DCDC2C: variants seen among roughly 807,000 people sequenced by gnomAD.
DCDC2C encodes the protein doublecortin domain containing 2C.
DCDC2C carries 44 observed loss-of-function variants against 45.0 expected under a neutral mutation model. The observed-to-expected ratio is 0.98, with a 90% CI of 0.77 to 1.26. The LOEUF (loss-of-function observed/expected upper bound fraction) is 1.26, where lower values mean the gene tolerates loss of function less well. DCDC2C is among the 50% of genes most tolerant of loss of function. The pLI is 0.00. For synonymous variants in DCDC2C, 187 were observed against 178.8 expected (o/e 1.05, Z -0.37); for missense variants, 447 against 468.9 (o/e 0.95, Z 0.43).
intron 10 of DCDC2C, among the ~76,000 whole-genome samples, chr2:3,838,452 CAGAGAGAGAG>C (rs61141962): frequency 8.9e-5 from 10 of 112,488 alleles, no homozygotes; most frequent in South Asian, 3.3e-4. Context: ...AGGATCATGA[CAGAGAGAGAG>C]AGAGAGAGAG....
intron 10 of DCDC2C, among the ~76,000 whole-genome samples, chr2:3,790,874 C>T (rs1056763592): frequency 2.0e-5 from 3 of 152,030 alleles, no homozygotes; most frequent in African/African-American, 7.3e-5. Context: ...TTTGGGAGGC[C>T]AAGGAGGACA....
intron 8 of DCDC2C, among the ~76,000 whole-genome samples, chr2:3,773,311 A>G: frequency 6.6e-6 from 1 of 152,136 alleles, no homozygotes; most frequent in South Asian, 2.1e-4. Flanking sequence ...AGAAATTATA[A>G]TTTATTTTCA....
At chr2:3,713,064 G>A (rs554455871) in intron 2 of DCDC2C, among the ~76,000 whole-genome samples, 12 of 152,300 alleles carry the variant, frequency 7.9e-5, no homozygotes, top group Admixed American at 1.3e-4. Context: ...TGGGTGGCTC[G>A]TTTGCAGTAG....
chr2:3,765,207 A>G (rs1669980248), intron 6 of DCDC2C, among the ~76,000 whole-genome samples: 1 of 152,208 alleles, frequency 6.6e-6, no homozygotes, highest in Admixed American at 6.5e-5. Context: ...TTCTTTCCCT[A>G]CTGTCTTTCC....
intron 10 of DCDC2C, among the ~76,000 whole-genome samples, chr2:3,821,442 G>A (rs1671685101): frequency 6.6e-6 from 1 of 152,184 alleles, no homozygotes; most frequent in Non-Finnish European, 1.5e-5. Flanking sequence ...GAGTGGTGAT[G>A]TCAGACATGT....
intron 9 of DCDC2C, among the ~76,000 whole-genome samples, chr2:3,779,708 G>C (rs1670457759): frequency 6.6e-6 from 1 of 152,162 alleles, no homozygotes; most frequent in Non-Finnish European, 1.5e-5. Context: ...AAGTCTGAGA[G>C]TTGCAGTCTG....
intron 2 of DCDC2C, among the ~76,000 whole-genome samples, chr2:3,721,790 C>A (rs1668512480): frequency 6.6e-6 from 1 of 152,146 alleles, no homozygotes; most frequent in Non-Finnish European, 1.5e-5. Context: ...TTCATGAGAT[C>A]TGATGGTTTT....
chr2:3,782,084 C>T (rs1297418260), intron 9 of DCDC2C, among the ~76,000 whole-genome samples: 2 of 152,122 alleles, frequency 1.3e-5, no homozygotes, highest in East Asian at 3.9e-4. Flanking sequence ...TTCGTCCCCT[C>T]ACACCGAAAC....
intron 10 of DCDC2C, among the ~76,000 whole-genome samples, chr2:3,791,729 G>T (rs181988910): frequency 7.0e-4 from 107 of 152,312 alleles, no homozygotes; most frequent in African/African-American, 2.5e-3. Flanking sequence ...GCAGTGGCCT[G>T]GGTGCCATGC....
At chr2:3,836,112 G>A (rs116104232) in intron 10 of DCDC2C, among the ~76,000 whole-genome samples, 3,826 of 152,128 alleles carry the variant, frequency 0.025, 56 homozygotes, top group Admixed American at 0.038. Flanking sequence ...TCTGACCAGC[G>A]CCACCCACCT....
chr2:3,830,018 T>C (rs1367032751), intron 10 of DCDC2C, among the ~76,000 whole-genome samples: 1 of 152,216 alleles, frequency 6.6e-6, no homozygotes, highest in Non-Finnish European at 1.5e-5. Flanking sequence ...TGAATGTTAG[T>C]GCCATATAGG....
At chr2:3,722,571 T>C (rs1161892083) in intron 2 of DCDC2C, among the ~76,000 whole-genome samples, 2 of 152,174 alleles carry the variant, frequency 1.3e-5, no homozygotes, top group Non-Finnish European at 2.9e-5. Context: ...GTTGAAGAGG[T>C]CTAAAGCTCA....
chr2:3,841,597 C>T (rs1255274735), intron 10 of DCDC2C, among the ~76,000 whole-genome samples: 3 of 151,946 alleles, frequency 2.0e-5, no homozygotes, highest in South Asian at 2.1e-4. Flanking sequence ...TTTCATGTGC[C>T]AGGCTGAGCT....
chr2:3,721,093 T>G (rs1668488095), intron 2 of DCDC2C, among the ~76,000 whole-genome samples: 1 of 152,246 alleles, frequency 6.6e-6, no homozygotes, highest in Non-Finnish European at 1.5e-5. Flanking sequence ...TCAAGTGATG[T>G]TGCCTCTCTC....
chr2:3,774,924 C>T (rs929892687), intron 8 of DCDC2C, among the ~76,000 whole-genome samples: 2 of 152,082 alleles, frequency 1.3e-5, no homozygotes, highest in African/African-American at 2.4e-5. Flanking sequence ...CACCACCATG[C>T]CTGACTAATT....
intron 10 of DCDC2C, among the ~76,000 whole-genome samples, chr2:3,846,220 C>A (rs1308701542): frequency 1.1e-4 from 16 of 151,558 alleles, no homozygotes; most frequent in Non-Finnish European, 2.9e-5. Context: ...CCTGTTCTTC[C>A]CTCTTCTTCT....
chr2:3,779,997 G>A (rs748171995), intron 9 of DCDC2C, among the ~76,000 whole-genome samples: 1 of 152,200 alleles, frequency 6.6e-6, no homozygotes, highest in Non-Finnish European at 1.5e-5. Context: ...ATCTAAAACA[G>A]AGAGTCAAAC....
chr2:3,735,720 C>A (rs962474853), intron 3 of DCDC2C, among the ~76,000 whole-genome samples: 10 of 152,042 alleles, frequency 6.6e-5, no homozygotes, highest in African/African-American at 2.4e-4. Flanking sequence ...AGGCAGTGCA[C>A]ACATTGATGA....
chr2:3,719,632 C>T (rs755407164), intron 2 of DCDC2C, among the ~76,000 whole-genome samples: 6 of 152,292 alleles, frequency 3.9e-5, no homozygotes, highest in Middle Eastern at 3.4e-3. Flanking sequence ...GGGGGTTCGA[C>T]GGGGCTTTGC....
Sources: gnomAD v4.1 joint callset for allele counts (sites outside exome capture counted in the v4.1 genomes callset) on GRCh38, gnomAD v4.1.1 for gene constraint, MANE v1.5 for transcripts, NCBI Gene and HGNC (gene_info 2026-07-23, HGNC 2026-07-21) for gene names.